PAPPA: variants seen among roughly 807,000 people sequenced by gnomAD.
The protein encoded by PAPPA is pappalysin 1, also known as pappalysin-1.
A neutral mutation model predicts 164.0 loss-of-function variants in PAPPA; 60 were observed. That is an observed-to-expected ratio of 0.37 (90% CI 0.30 to 0.45). The LOEUF is 0.45. Among genes scored for constraint, PAPPA ranks in the 20% least tolerant of loss-of-function variants. The pLI is 1.00. For missense variants in PAPPA, 1,782 were observed against 2,087.3 expected, an observed-to-expected ratio of 0.85 and a Z score of 2.85; for synonymous variants, 875 against 814.1, an observed-to-expected ratio of 1.07 and a Z score of -1.27.
intron 10 of PAPPA, among the ~76,000 whole-genome samples, chr9:116,318,959 G>A (rs544793707): frequency 1.2e-4 from 19 of 152,126 alleles, no homozygotes; most frequent in Non-Finnish European, 1.9e-4. Context: ...ACAGTCTCCC[G>A]AAAGGGGAAA....
chr9:116,195,716 G>A (rs527883159), intron 2 of PAPPA, among the ~76,000 whole-genome samples: 10 of 152,230 alleles, frequency 6.6e-5, no homozygotes, highest in South Asian at 4.2e-4. Flanking sequence ...GCCCTCCTCC[G>A]ATAGATCTTC....
chr9:116,230,249 A>G (rs896437710), intron 6 of PAPPA, among the ~76,000 whole-genome samples: 3 of 152,200 alleles, frequency 2.0e-5, no homozygotes, highest in African/African-American at 7.2e-5. Context: ...AATATCCTTG[A>G]AGAAATAAAC....
intron 2 of PAPPA, among the ~76,000 whole-genome samples, chr9:116,190,109 A>G (rs77741913): frequency 0.034 from 5,199 of 152,312 alleles, 165 homozygotes; most frequent in Non-Finnish European, 0.045. Flanking sequence ...TAACATTCAC[A>G]TTTGACTGAT....
chr9:116,362,570 A>T, intron 17 of PAPPA, 22 bp from the exon 18 acceptor site: 11 of 1,608,918 alleles, frequency 6.8e-6, no homozygotes, highest in Non-Finnish European at 9.3e-6. Flanking sequence ...CTTGGTCCTA[A>T]CTCTGTTTCT....
chr9:116,363,907 GT>G (rs1846464053), intron 18 of PAPPA, among the ~76,000 whole-genome samples: 1 of 152,204 alleles, frequency 6.6e-6, no homozygotes, highest in Non-Finnish European at 1.5e-5. Flanking sequence ...CAGCACTCTT[GT>G]GTTTAGCCCA....
chr9:116,384,512 T>C (rs1014912943), intron 21 of PAPPA, among the ~76,000 whole-genome samples: 5 of 152,242 alleles, frequency 3.3e-5, no homozygotes, highest in East Asian at 1.9e-4. Flanking sequence ...TTTTGCTGCA[T>C]TGTTGTTTAT....
intron 2 of PAPPA, 117 bp from the exon 3 acceptor site, chr9:116,207,339 G>A: frequency 4.3e-6 from 3 of 703,044 alleles, no homozygotes; most frequent in Admixed American, 2.7e-5. Flanking sequence ...CAATAAGGTA[G>A]TATTTTTAAA....
rs768949814 is a variant in PAPPA, at chr9:116,377,554, C to T, written c.4606-22C>T. ...CCTCCCAATCCCAAGCCCATCTGACCTTTCTCTCCCTCTTCCCACAGAGAG... is the reference window on the plus strand; with the variant it reads ...CCTCCCAATCCCAAGCCCATCTGACTTTTCTCTCCCTCTTCCCACAGAGAG... On this transcript the variant is annotated intron_variant, in intron 19 of 21. Coordinates refer to ENST00000328252, the MANE Select transcript of PAPPA (RefSeq NM_002581.5). The T allele has an allele frequency of 3.8e-6, 6 of 1,598,172 alleles. No individual in the cohort carries two copies. The Admixed American group carries it at 5.0e-5, about 13-fold the overall frequency.
intron 21 of PAPPA, among the ~76,000 whole-genome samples, chr9:116,393,351 T>C (rs1846919230): frequency 6.6e-6 from 1 of 152,200 alleles, no homozygotes; most frequent in South Asian, 2.1e-4. Flanking sequence ...GGGAAGTAAC[T>C]TGTCCAAAGT....
rs1402112770 is a variant in PAPPA, at chr9:116,170,087, G to C, written c.415+15500G>C. ...AAGACATTTTCTGTAAAAATTTGAG[G>C]TTGTGCATATTTTTCTGGAGTCAAA... On this transcript the variant is annotated intron_variant, in intron 1 of 21. Coordinates refer to ENST00000328252, the MANE Select transcript of PAPPA (RefSeq NM_002581.5). Among the ~76,000 whole-genome samples the C allele has an allele frequency of 2.0e-5, 3 of 152,054 alleles. No homozygotes were observed. The South Asian group carries it at 6.2e-4, about 32-fold the overall frequency.
intron 10 of PAPPA, among the ~76,000 whole-genome samples, chr9:116,307,900 AATG>A (rs145640575): frequency 0.01 from 1,596 of 152,232 alleles, 12 homozygotes; most frequent in Admixed American, 0.018. Context: ...AATTAAGATG[AATG>A]ATATCTACCT....
Position 116,398,520 on chromosome 9 carries a change from C to A in PAPPA, c.*1904C>A. 1 of 1,200,296 alleles carries A rather than the reference C, an allele frequency of 8.3e-7. No individual in the cohort carries two copies. The highest frequency in any genetic ancestry group is 1.1e-6 in the Non-Finnish European group (1 of 937,996). 74.4% of individuals were successfully genotyped at this position (1,200,296 alleles called of 1,614,324 possible). On this transcript the variant is annotated 3_prime_UTR_variant, in exon 22 of 22. Coordinates refer to ENST00000328252, the MANE Select transcript of PAPPA (RefSeq NM_002581.5). ...AAGAGACCAAAAATAACTTTAGGAACCACCATATTATATCACTCCCAATAG... is the reference window on the plus strand; with the variant it reads ...AAGAGACCAAAAATAACTTTAGGAAACACCATATTATATCACTCCCAATAG...
At chr9:116,378,609 G>A (rs535955606) in intron 20 of PAPPA, among the ~76,000 whole-genome samples, 1 of 152,306 alleles carries the variant, frequency 6.6e-6, no homozygotes, top group East Asian at 1.9e-4. Context: ...GGTAAACAGA[G>A]ACCCAGGCAG....
intron 2 of PAPPA, among the ~76,000 whole-genome samples, chr9:116,196,201 G>A (rs972430547): frequency 9.2e-5 from 14 of 152,206 alleles, no homozygotes; most frequent in African/African-American, 3.1e-4. Context: ...GCGGGGAGAA[G>A]TCAGGAACAT....
rs148604343 is a variant in PAPPA, at chr9:116,210,541, C to A, written c.1625-1098C>A. On this transcript the variant is annotated intron_variant, in intron 3 of 21. Transcript: ENST00000328252. ...TCACAGACCTGAGTTTTAACCTTCC[C>A]TTAAACATTTTAAAATTTTAAAGTT... Among the ~76,000 whole-genome samples, 447 of 152,292 alleles carry A rather than the reference C, an allele frequency of 2.9e-3. 4 individuals carry two copies. The highest frequency in any genetic ancestry group is 0.01 in the African/African-American group (419 of 41,558).
At chr9:116,217,789 TCTTCA>T (rs889252168) in intron 4 of PAPPA, among the ~76,000 whole-genome samples, 19 of 152,114 alleles carry the variant, frequency 1.2e-4, no homozygotes, top group African/African-American at 4.6e-4. Flanking sequence ...ATCATCACTG[TCTTCA>T]CTTCACAGAT....
intron 13 of PAPPA, among the ~76,000 whole-genome samples, chr9:116,336,061 G>A (rs930609045): frequency 2.0e-5 from 3 of 152,178 alleles, no homozygotes; most frequent in Non-Finnish European, 4.4e-5. Context: ...CCAAACTTCT[G>A]TGTTACCATG....
chr9:116,336,733 T>C (rs1298590821), intron 13 of PAPPA, among the ~76,000 whole-genome samples: 1 of 152,216 alleles, frequency 6.6e-6, no homozygotes, highest in African/African-American at 2.4e-5. Flanking sequence ...GGCAAAATGC[T>C]GCCCTATATC....
At chr9:116,252,001 C>T (rs117504991) in intron 7 of PAPPA, among the ~76,000 whole-genome samples, 229 of 152,234 alleles carry the variant, frequency 1.5e-3, no homozygotes, top group Admixed American at 2.8e-3. Flanking sequence ...TGTTTTATTG[C>T]ACCAAGAAAG....
Sources: allele counts gnomAD v4.1 joint callset (sites outside exome capture counted in the v4.1 genomes callset), GRCh38; gene constraint gnomAD v4.1.1; transcripts MANE v1.5; gene names NCBI Gene and HGNC (gene_info 2026-07-23, HGNC 2026-07-21).